Variants in NEDD4 observed in about 807,000 individuals in gnomAD.
NEDD4 encodes the protein NEDD4 E3 ubiquitin protein ligase, also known as E3 ubiquitin-protein ligase NEDD4.
In NEDD4, 99 loss-of-function variants were observed where a neutral mutation model predicts 144.9. The observed-to-expected ratio is 0.68, with a 90% CI of 0.58 to 0.81. The LOEUF (loss-of-function observed/expected upper bound fraction) is 0.81, where lower values mean the gene tolerates loss of function less well. Ranked by LOEUF, NEDD4 falls within the 30% of genes least tolerant of loss-of-function variation. NEDD4 has a pLI of 0.00. For missense variants in NEDD4, 985 were observed against 1,065.9 expected, an observed-to-expected ratio of 0.92 and a Z score of 1.06; for synonymous variants, 318 against 350.6, an observed-to-expected ratio of 0.91 and a Z score of 1.04.
At chr15:55,872,698 G>A (rs1179961626) in intron 6 of NEDD4, among the ~76,000 whole-genome samples, 1 of 152,150 alleles carries the variant, frequency 6.6e-6, no homozygotes, top group Non-Finnish European at 1.5e-5. Flanking sequence ...CTGAGCAGGT[G>A]GGTTGTGGAG....
At chr15:55,908,512 A>G (rs2036172129) in intron 5 of NEDD4, among the ~76,000 whole-genome samples, 1 of 152,204 alleles carries the variant, frequency 6.6e-6, no homozygotes, top group Non-Finnish European at 1.5e-5. Flanking sequence ...TGTTCTCATC[A>G]AAGAATGGCC....
chr15:55,962,845 G>A (rs1241954022), intron 2 of NEDD4, among the ~76,000 whole-genome samples: 1 of 150,972 alleles, frequency 6.6e-6, no homozygotes, highest in Non-Finnish European at 1.5e-5. Context: ...GGAGTGCAAT[G>A]GTGTGATCTC....
At chr15:55,912,543 A>T (rs2036308297) in intron 5 of NEDD4, among the ~76,000 whole-genome samples, 1 of 152,168 alleles carries the variant, frequency 6.6e-6, no homozygotes, top group Non-Finnish European at 1.5e-5. Context: ...GCTAATGCAC[A>T]TTAAATAATA....
Position 55,827,025 on chromosome 15 carries a change from G to C in NEDD4, c.*2872C>G, listed in dbSNP as rs572168037. On this transcript the variant is annotated 3_prime_UTR_variant, in exon 29 of 29. Coordinates refer to ENST00000435532, the MANE Select transcript of NEDD4 (RefSeq NM_006154.4). ...CAATAAATTTTGATACATCAATCTT[G>C]ATATATATATTTACTGTGTCAGAAG... The C allele has an allele frequency of 6.6e-6, 1 of 152,042 alleles. No individual in the cohort carries two copies. Among genetic ancestry groups the C allele is most frequent in the East Asian group, 1.9e-4 (1 of 5,194 alleles). 9.4% of individuals were successfully genotyped at this position (152,042 alleles called of 1,614,324 possible).
chr15:55,957,117 G>A (rs2037350640), intron 2 of NEDD4, among the ~76,000 whole-genome samples: 1 of 152,158 alleles, frequency 6.6e-6, no homozygotes, highest in Admixed American at 6.5e-5. Context: ...AAATATAACT[G>A]ATTTTGGGTT....
rs183348711 is a variant in NEDD4, at chr15:55,903,655, C to A, written c.291+20991G>T. 5.4e-4 allele frequency among the ~76,000 whole-genome samples: 81 copies of A among 151,070 alleles called. 2 individuals are homozygous for A. The highest frequency in any genetic ancestry group is 1.9e-3 in the Admixed American group (29 of 15,140). On this transcript the variant is annotated intron_variant, in intron 5 of 28. Transcript: ENST00000435532. ...CTAGCTAAACACGGTGAAACCTCAG[C>A]TCTACTAAAAATACAAAAAATTAGC...
chr15:55,878,946 G>C (rs879768342), intron 5 of NEDD4, among the ~76,000 whole-genome samples: 10 of 152,060 alleles, frequency 6.6e-5, no homozygotes, highest in African/African-American at 2.4e-5. Context: ...CCTCAGCCTC[G>C]CAAGTAGCTG....
Position 55,829,723 on chromosome 15 carries a change from A to G in NEDD4, c.*174T>C. 1 of 561,228 alleles carries G rather than the reference A, an allele frequency of 1.8e-6. No homozygotes were observed. Among genetic ancestry groups the G allele is most frequent in the Non-Finnish European group, 3.2e-6 (1 of 316,626 alleles). 34.8% of individuals were successfully genotyped at this position (561,228 alleles called of 1,614,324 possible). On this transcript the variant is annotated 3_prime_UTR_variant, in exon 29 of 29. Transcript: ENST00000435532. ...CTGTGTAAATGCAACACATTATTTA[A>G]AAGTGATTAAAAATAAGTTGTCGTA...
chr15:55,851,283 C>T (rs2033969199), intron 13 of NEDD4, among the ~76,000 whole-genome samples: 1 of 152,004 alleles, frequency 6.6e-6, no homozygotes, highest in South Asian at 2.1e-4. Context: ...AAGAGAAATA[C>T]ACTGGATCTA....
intron 2 of NEDD4, among the ~76,000 whole-genome samples, chr15:55,952,930 T>C (rs1465192113): frequency 4.6e-5 from 7 of 152,150 alleles, no homozygotes; most frequent in Non-Finnish European, 2.9e-5. Context: ...CAAGAACACT[T>C]ATATAGCAAT....
At chr15:55,984,936 T>G (rs1166117873) in intron 1 of NEDD4, among the ~76,000 whole-genome samples, 2 of 152,220 alleles carry the variant, frequency 1.3e-5, no homozygotes, top group Non-Finnish European at 2.9e-5. Context: ...CCATGATAGA[T>G]TGAGAAGCAA....
chr15:55,991,023 C>T (rs557116586), intron 1 of NEDD4, among the ~76,000 whole-genome samples: 6 of 152,340 alleles, frequency 3.9e-5, no homozygotes, highest in African/African-American at 1.2e-4. Context: ...TTTTAGCATA[C>T]TTCAGTGCTA....
chr15:55,842,992 G>A (rs539702009), intron 18 of NEDD4, among the ~76,000 whole-genome samples: 2 of 152,294 alleles, frequency 1.3e-5, no homozygotes, highest in South Asian at 2.1e-4. Flanking sequence ...CTGGTGGGAG[G>A]TGATTGAATT....
chr15:55,865,281 T>C (rs2034549177), intron 8 of NEDD4, among the ~76,000 whole-genome samples: 1 of 151,758 alleles, frequency 6.6e-6, no homozygotes, highest in Non-Finnish European at 1.5e-5. Flanking sequence ...CGCAGATTAC[T>C]TAGAAAATGG....
chr15:55,910,483 A>C (rs2036236105), intron 5 of NEDD4, among the ~76,000 whole-genome samples: 1 of 151,168 alleles, frequency 6.6e-6, no homozygotes, highest in South Asian at 2.1e-4. Flanking sequence ...GTTCCTCCTT[A>C]GTCTCTTCTT....
At chr15:55,835,420 GTTTTTT>G (rs56792157) in intron 24 of NEDD4, among the ~76,000 whole-genome samples, 1 of 108,376 alleles carries the variant, frequency 9.2e-6, no homozygotes, top group Non-Finnish European at 1.9e-5. Flanking sequence ...CTCCTGTTCT[GTTTTTT>G]TTTTTTTTTT....
intron 1 of NEDD4, among the ~76,000 whole-genome samples, chr15:55,992,466 TAAGC>T (rs1177752567): frequency 6.6e-6 from 1 of 152,226 alleles, no homozygotes; most frequent in African/African-American, 2.4e-5. Context: ...TTACAATACT[TAAGC>T]AAGCAGTATA....
intron 26 of NEDD4, among the ~76,000 whole-genome samples, 154 bp downstream of exon 26, chr15:55,833,884 T>A (rs1184239348): frequency 6.6e-6 from 1 of 152,214 alleles, no homozygotes; most frequent in Non-Finnish European, 1.5e-5. Flanking sequence ...AGAAGGTGCA[T>A]GTATACAGTA....
At chr15:55,840,027 T>A (rs1420365277) in intron 21 of NEDD4, among the ~76,000 whole-genome samples, 16 of 67,926 alleles carry the variant, frequency 2.4e-4, no homozygotes, top group African/African-American at 3.9e-4. Context: ...TATATATATA[T>A]ATATATATAT....
Sources: gnomAD v4.1 joint callset for allele counts (sites outside exome capture counted in the v4.1 genomes callset) on GRCh38, gnomAD v4.1.1 for gene constraint, MANE v1.5 for transcripts, NCBI Gene and HGNC (gene_info 2026-07-23, HGNC 2026-07-21) for gene names.